The following KCNH5 variants were observed in gnomAD, a reference collection of about 807,000 sequenced individuals.
The protein encoded by KCNH5 is voltage-gated delayed rectifier potassium channel KCNH5.
In KCNH5, 46 loss-of-function variants were observed where a neutral mutation model predicts 96.1. The ratio of observed to expected loss-of-function variants is 0.48; its 90% CI spans 0.38 to 0.61. The LOEUF is 0.61. KCNH5 is among the 20% of genes least tolerant of loss of function. The pLI, the probability that KCNH5 is intolerant of heterozygous loss-of-function variation, is 0.00. For synonymous variants in KCNH5, 439 were observed against 449.8 expected, an observed-to-expected ratio of 0.98 and a Z score of 0.30; for missense variants, 907 against 1,225.8, an observed-to-expected ratio of 0.74 and a Z score of 3.88.
intron 3 of KCNH5, among the ~76,000 whole-genome samples, chr14:63,005,950 C>T (rs1360123997): frequency 6.6e-6 from 1 of 152,174 alleles, no homozygotes; most frequent in Non-Finnish European, 1.5e-5. Flanking sequence ...CAAGTAGCTA[C>T]CACATATTCA....
intron 7 of KCNH5, among the ~76,000 whole-genome samples, chr14:62,946,450 G>A (rs1275818277): frequency 1.3e-5 from 2 of 151,748 alleles, no homozygotes; most frequent in Non-Finnish European, 2.9e-5. Context: ...AGAGAACTAA[G>A]AACTAATGTC....
rs184453404 is a variant in KCNH5 at position 62,807,822 on chromosome 14, G to A, written c.1570-5241C>T. Among the ~76,000 whole-genome samples, 200 of 152,248 alleles carry A rather than the reference G, an allele frequency of 1.3e-3. 1 individual carries two copies. Among genetic ancestry groups the A allele is most frequent in the Admixed American group, 2.3e-3 (35 of 15,270 alleles). The stretch of plus-strand genomic sequence containing the variant: ...GTCTCAGATGGTCTGTGTAAGCTGC[G>A]AAAGGATTTGTTAAAGGGAATTTAT... On this transcript the variant is annotated intron_variant, in intron 8 of 10. Transcript: ENST00000322893.
At chr14:62,965,408 A>G (rs1001347808) in intron 6 of KCNH5, among the ~76,000 whole-genome samples, 3 of 152,134 alleles carry the variant, frequency 2.0e-5, no homozygotes, top group Admixed American at 6.6e-5. Context: ...AGATTTTTCT[A>G]GAGCCAGGAC....
rs1360641528 is a variant in KCNH5, at chr14:62,708,380, T to C, written c.2095A>G (p.Ser699Gly). The change falls in exon 11 of 11, where the codon AGC (serine) becomes GGC (glycine). Residue 699 changes from serine (S) to glycine (G), a missense_variant. Around this residue, in one of 6 missense-constraint regions of KCNH5, gnomAD observed 362 missense variants for 394.4 expected, o/e 0.92. Transcript: ENST00000322893. ...CTGACTGGGTGGTCCACGGGAATGC[T>C]GAGGGTCACCTCATTCTTCTGCCGG... is the stretch of plus-strand genomic sequence containing the variant. ...RLRQKNEVTL[S>G]IPVDHPVRKL... The C allele has an allele frequency of 6.2e-7, 1 of 1,613,676 alleles. No homozygotes were observed. Among genetic ancestry groups the C allele is most frequent in the South Asian group, 1.1e-5 (1 of 91,082 alleles).
chr14:62,881,666 A>G (rs1274578049), intron 7 of KCNH5, among the ~76,000 whole-genome samples: 1 of 152,052 alleles, frequency 6.6e-6, no homozygotes, highest in Non-Finnish European at 1.5e-5. Flanking sequence ...ATCACTATGC[A>G]CATTACTAGT....
chr14:62,752,672 G>C (rs1238159841), intron 10 of KCNH5, among the ~76,000 whole-genome samples: 1 of 152,136 alleles, frequency 6.6e-6, no homozygotes, highest in East Asian at 1.9e-4. Context: ...TAAACCCCAA[G>C]TGTCAATGGA....
intron 3 of KCNH5, among the ~76,000 whole-genome samples, chr14:63,005,984 G>A (rs942882415): frequency 2.0e-5 from 3 of 152,206 alleles, no homozygotes; most frequent in Admixed American, 6.5e-5. Context: ...CGTGTCGAAA[G>A]GTAATTGCAT....
intron 7 of KCNH5, among the ~76,000 whole-genome samples, chr14:62,911,328 G>T (rs1471047002): frequency 6.7e-6 from 1 of 149,116 alleles, no homozygotes; most frequent in Non-Finnish European, 1.5e-5. Flanking sequence ...ACCCAAGCTG[G>T]AGTGCAGTGG....
intron 10 of KCNH5, among the ~76,000 whole-genome samples, chr14:62,753,903 T>C (rs569917632): frequency 4.7e-4 from 72 of 152,158 alleles, no homozygotes; most frequent in African/African-American, 1.6e-3. Context: ...CATCTGAAGG[T>C]ACAAAACTTA....
At chr14:63,025,315 CAAG>C (rs1251014380) in intron 1 of KCNH5, among the ~76,000 whole-genome samples, 2 of 151,950 alleles carry the variant, frequency 1.3e-5, no homozygotes, top group East Asian at 3.9e-4. Flanking sequence ...AAATCAGGAA[CAAG>C]ACAAGGATCC....
At chr14:62,854,365 T>C (rs1031646928) in intron 7 of KCNH5, among the ~76,000 whole-genome samples, 1 of 152,156 alleles carries the variant, frequency 6.6e-6, no homozygotes, top group African/African-American at 2.4e-5. Context: ...TTCAGAAACA[T>C]TTTATTTTCA....
chr14:62,945,552 C>G (rs1444978885), intron 7 of KCNH5, among the ~76,000 whole-genome samples: 1 of 151,968 alleles, frequency 6.6e-6, no homozygotes, highest in African/African-American at 2.4e-5. Flanking sequence ...CGGACAGAGG[C>G]CTACCTCTCA....
intron 7 of KCNH5, among the ~76,000 whole-genome samples, chr14:62,941,313 GAAAGATGGGTATA>G (rs1889785486): frequency 6.6e-6 from 1 of 152,144 alleles, no homozygotes; most frequent in Admixed American, 6.6e-5. Context: ...GGAATGAAAA[GAAAGATGGGTATA>G]AAAGAACATT....
At chr14:62,848,758 A>G (rs956476841) in intron 8 of KCNH5, among the ~76,000 whole-genome samples, 2 of 150,924 alleles carry the variant, frequency 1.3e-5, no homozygotes, top group African/African-American at 4.8e-5. Flanking sequence ...TCAACCTCAC[A>G]AGGTTAAAAG....
At chr14:62,710,427 G>C (rs1239691599) in intron 10 of KCNH5, among the ~76,000 whole-genome samples, 1 of 152,110 alleles carries the variant, frequency 6.6e-6, no homozygotes, top group Admixed American at 6.6e-5. Context: ...CAATTCTTAT[G>C]CTTCCCAAGT....
intron 7 of KCNH5, among the ~76,000 whole-genome samples, chr14:62,919,670 T>G (rs1208056727): frequency 1.3e-5 from 2 of 152,158 alleles, no homozygotes; most frequent in Non-Finnish European, 2.9e-5. Context: ...CTTAGATTTA[T>G]AGCTGACATC....
intron 7 of KCNH5, among the ~76,000 whole-genome samples, chr14:62,906,286 T>C (rs1889026121): frequency 6.6e-6 from 1 of 152,154 alleles, no homozygotes; most frequent in African/African-American, 2.4e-5. Flanking sequence ...TATGTCTGTG[T>C]GTGTAACCAC....
At chr14:62,855,854 C>T (rs75958330) in intron 7 of KCNH5, among the ~76,000 whole-genome samples, 11,656 of 152,138 alleles carry the variant, frequency 0.077, 462 homozygotes, top group African/African-American at 0.11. Flanking sequence ...TCAAGCATTG[C>T]TGAATTTAGT....
chr14:63,036,773 G>A (rs1891729701), intron 1 of KCNH5, among the ~76,000 whole-genome samples: 1 of 152,076 alleles, frequency 6.6e-6, no homozygotes, highest in African/African-American at 2.4e-5. Flanking sequence ...GGAGGGAGGA[G>A]GAGAGGAACA....
Sources: gnomAD v4.1 joint callset for allele counts (sites outside exome capture counted in the v4.1 genomes callset) on GRCh38, gnomAD v4.1.1 for gene constraint, gnomAD v4.1.1 regional missense constraint, MANE v1.5 for transcripts, NCBI Gene and HGNC (gene_info 2026-07-23, HGNC 2026-07-21) for gene names.